CYYR1: variants seen among roughly 807,000 people sequenced by gnomAD.
CYYR1 encodes cysteine and tyrosine-rich protein 1.
Under a neutral mutation model 15.2 loss-of-function variants are expected in CYYR1, and 14 were observed. That is an observed-to-expected ratio of 0.92 (90% CI 0.61 to 1.44). The LOEUF is 1.44. Ranked by LOEUF, CYYR1 falls within the 40% of genes most tolerant of loss-of-function variation. The pLI is 0.00. For missense variants in CYYR1, 228 were observed against 209.5 expected (o/e 1.09, Z -0.54); for synonymous variants, 80 against 77.4 (o/e 1.03, Z -0.18).
chr21:26,484,879 A>G (rs1432232737), intron 2 of CYYR1, among the ~76,000 whole-genome samples: 1 of 152,038 alleles, frequency 6.6e-6, no homozygotes, highest in Non-Finnish European at 1.5e-5. Flanking sequence ...AATGTATTAA[A>G]TTAGTTTTTT....
chr21:26,538,009 G>T (rs779297159), intron 2 of CYYR1, among the ~76,000 whole-genome samples: 1 of 152,166 alleles, frequency 6.6e-6, no homozygotes, highest in Non-Finnish European at 1.5e-5. Context: ...ATCAGTCTAC[G>T]TTGTTTTATG....
chr21:26,518,074 T>C (rs145010692), intron 2 of CYYR1, among the ~76,000 whole-genome samples: 2 of 152,260 alleles, frequency 1.3e-5, no homozygotes, highest in African/African-American at 2.4e-5. Context: ...ACAGGTTGGA[T>C]TGTTAAGAAA....
In CYYR1 at chr21:26,498,764, AG is replaced by A. The variant is rs550787171; in HGVS notation, c.177-18336del. Reference sequence around the variant, plus strand: ...CTCAGGAAACTTACAATCATGGGGAAGGGGAAGCAAACACGTTCTTCTTCAC... The same window carrying A: ...CTCAGGAAACTTACAATCATGGGGAAGGGAAGCAAACACGTTCTTCTTCAC... On this transcript the variant is annotated intron_variant, in intron 2 of 3. Transcript: ENST00000652641. Among the ~76,000 whole-genome samples, 399 of 152,300 alleles carry A rather than the reference AG, an allele frequency of 2.6e-3. 1 individual carries two copies. Among genetic ancestry groups the A allele is most frequent in the African/African-American group, 9.1e-3 (380 of 41,570 alleles).
intron 2 of CYYR1, among the ~76,000 whole-genome samples, chr21:26,537,331 C>T (rs985341485): frequency 6.6e-6 from 1 of 152,008 alleles, no homozygotes; most frequent in African/African-American, 2.4e-5. Flanking sequence ...TGTAACAATC[C>T]TTTTTTTGCT....
At chr21:26,569,458 G>A (rs1166533706) in intron 1 of CYYR1, among the ~76,000 whole-genome samples, 3 of 152,086 alleles carry the variant, frequency 2.0e-5, no homozygotes, top group Admixed American at 6.6e-5. Flanking sequence ...AAAGGGAGTG[G>A]GGAGGGTTGA....
chr21:26,502,272 T>A (rs2065491335), intron 2 of CYYR1, among the ~76,000 whole-genome samples: 1 of 150,732 alleles, frequency 6.6e-6, no homozygotes, highest in Non-Finnish European at 1.5e-5. Flanking sequence ...ACGGGCAGAA[T>A]TTATTTGCTA....
intron 2 of CYYR1, among the ~76,000 whole-genome samples, chr21:26,498,946 G>A (rs2065444079): frequency 6.6e-6 from 1 of 152,126 alleles, no homozygotes; most frequent in African/African-American, 2.4e-5. Flanking sequence ...CACAACACAT[G>A]GGGATTATGG....
chr21:26,568,673 A>G lies in CYYR1; in HGVS notation c.74-2305T>C, dbSNP rs1163526740. On this transcript the variant is annotated intron_variant, in intron 1 of 3. Transcript: ENST00000652641. ...AAACTATCAACAGAGTAAACAATCT[A>G]CAGAATGGGAGAAAATATGTGTAAG... 3 of 152,232 alleles carry G rather than the reference A, an allele frequency of 2.0e-5. No individual in the cohort carries two copies. In the East Asian group the frequency reaches 5.8e-4, roughly 29 times the overall value. The allele number at this position is 152,232 out of a possible 1,614,324, so 9.4% of individuals were successfully genotyped here.
At chr21:26,513,144 A>G (rs2065673622) in intron 2 of CYYR1, among the ~76,000 whole-genome samples, 1 of 152,208 alleles carries the variant, frequency 6.6e-6, no homozygotes, top group South Asian at 2.1e-4. Flanking sequence ...TGCTTTCACC[A>G]TGGCAGTTCA....
intron 2 of CYYR1, among the ~76,000 whole-genome samples, chr21:26,507,244 C>G (rs1601768078): frequency 1.3e-5 from 2 of 152,238 alleles, no homozygotes; most frequent in South Asian, 4.2e-4. Flanking sequence ...ACAAAACATG[C>G]CTTATGCTGA....
At position 26,468,462 on chromosome 21, in the gene CYYR1, A is replaced by G. The variant is rs780099597; in HGVS notation, c.*39T>C. 4.2e-5 allele frequency: 54 copies of G among 1,277,240 alleles called. No homozygotes were observed. Among genetic ancestry groups the G allele is most frequent in the Middle Eastern group, 3.7e-4 (2 of 5,446 alleles). The allele number at this position is 1,277,240 out of a possible 1,614,324, so 79.1% of individuals were successfully genotyped here. ...GAGTAGAGGCATTTTATTCCAGGCAAGATCGCCCATTGGCACATGTTCTGT... is the reference window on the plus strand; with the variant it reads ...GAGTAGAGGCATTTTATTCCAGGCAGGATCGCCCATTGGCACATGTTCTGT... On this transcript the variant is annotated 3_prime_UTR_variant, in exon 4 of 4. Coordinates refer to ENST00000652641, the MANE Select transcript of CYYR1 (RefSeq NM_001320768.2).
chr21:26,525,943 C>T (rs76740268), intron 2 of CYYR1, among the ~76,000 whole-genome samples: 7,723 of 152,156 alleles, frequency 0.051, 228 homozygotes, highest in African/African-American at 0.06. Flanking sequence ...CGCATGTTCT[C>T]AGTTATAAAT....
intron 3 of CYYR1, among the ~76,000 whole-genome samples, chr21:26,473,719 G>C (rs1282324136): frequency 1.3e-5 from 2 of 152,160 alleles, no homozygotes; most frequent in South Asian, 2.1e-4. Flanking sequence ...CCTGCTGAGA[G>C]TGAGAAGGCT....
At chr21:26,524,167 G>A (rs2065835577) in intron 2 of CYYR1, among the ~76,000 whole-genome samples, 1 of 152,160 alleles carries the variant, frequency 6.6e-6, no homozygotes, top group African/African-American at 2.4e-5. Context: ...TGTTTTGCAT[G>A]TTGGTATTAG....
chr21:26,491,075 T>A (rs1038952133), intron 2 of CYYR1, among the ~76,000 whole-genome samples: 4 of 152,150 alleles, frequency 2.6e-5, no homozygotes, highest in African/African-American at 9.7e-5. Flanking sequence ...CAAAATGTGT[T>A]GAAAAGAAAA....
chr21:26,571,443 C>T (rs748015225), intron 1 of CYYR1, among the ~76,000 whole-genome samples: 2 of 152,200 alleles, frequency 1.3e-5, no homozygotes, highest in Non-Finnish European at 2.9e-5. Flanking sequence ...GAGCTGGGCA[C>T]CTAGCACTGG....
chr21:26,524,660 T>C (rs117838152), intron 2 of CYYR1, among the ~76,000 whole-genome samples: 3,933 of 152,340 alleles, frequency 0.026, 68 homozygotes, highest in Middle Eastern at 0.071. Flanking sequence ...CTCTGTGTAA[T>C]TGACTTTTTA....
At chr21:26,563,276 TA>T (rs113006722) in intron 2 of CYYR1, among the ~76,000 whole-genome samples, 2,702 of 144,402 alleles carry the variant, frequency 0.019, 31 homozygotes, top group Middle Eastern at 0.04. Flanking sequence ...AGAAAGAATC[TA>T]AAAAAAAAAA....
At chr21:26,565,771 G>C (rs908447380) in intron 2 of CYYR1, among the ~76,000 whole-genome samples, 6 of 152,182 alleles carry the variant, frequency 3.9e-5, no homozygotes, top group African/African-American at 1.4e-4. Flanking sequence ...TCCTGAAGTT[G>C]CTGTATGTGT....
Sources: allele counts gnomAD v4.1 joint callset (sites outside exome capture counted in the v4.1 genomes callset), GRCh38; gene constraint gnomAD v4.1.1; transcripts MANE v1.5; gene names NCBI Gene and HGNC (gene_info 2026-07-23, HGNC 2026-07-21).